The following STT3B variants were observed in gnomAD, a reference collection of about 807,000 sequenced individuals.
STT3B encodes the protein STT3 oligosaccharyltransferase complex catalytic subunit B.
Under a neutral mutation model 96.8 loss-of-function variants are expected in STT3B, and 29 were observed. That is an observed-to-expected ratio of 0.30 (90% confidence interval 0.22 to 0.41). STT3B has a LOEUF of 0.41. STT3B is among the 10% of genes least tolerant of loss of function. STT3B has a pLI of 1.00. For synonymous variants in STT3B, 367 were observed against 360.0 expected, an observed-to-expected ratio of 1.02 and a Z score of -0.22; for missense variants, 640 against 1,022.3, an observed-to-expected ratio of 0.63 and a Z score of 5.10.
intron 1 of STT3B, among the ~76,000 whole-genome samples, chr3:31,534,474 C>T (rs1164582851): frequency 6.6e-6 from 1 of 152,128 alleles, no homozygotes; most frequent in East Asian, 1.9e-4. Context: ...ACCTGTCAAC[C>T]TTGAGTTAAT....
chr3:31,537,636 TC>T (rs1463707707), intron 1 of STT3B, among the ~76,000 whole-genome samples: 1 of 152,290 alleles, frequency 6.6e-6, no homozygotes, highest in East Asian at 1.9e-4. Flanking sequence ...GGTTTTCATA[TC>T]GTAAAGGTTA....
intron 1 of STT3B, among the ~76,000 whole-genome samples, chr3:31,552,701 A>C (rs1376715580): frequency 2.6e-5 from 4 of 152,126 alleles, no homozygotes; most frequent in African/African-American, 9.7e-5. Flanking sequence ...GTTAGATGTC[A>C]GTTGTAGAAG....
At chr3:31,587,136 A>T (rs1698558229) in intron 3 of STT3B, among the ~76,000 whole-genome samples, 2 of 152,006 alleles carry the variant, frequency 1.3e-5, no homozygotes, top group Non-Finnish European at 2.9e-5. Flanking sequence ...TACCCCATAA[A>T]TTTTTTTATT....
intron 14 of STT3B, among the ~76,000 whole-genome samples, chr3:31,629,622 CAT>C (rs1212005055): frequency 7.9e-5 from 12 of 152,048 alleles, no homozygotes; most frequent in African/African-American, 2.9e-4. Context: ...TTCTTTCTAA[CAT>C]ATTTATTAAC....
chr3:31,615,312 A>G, intron 6 of STT3B, 109 bp downstream of exon 6: 1 of 742,618 alleles, frequency 1.3e-6, no homozygotes, highest in Non-Finnish European at 2.2e-6. Context: ...AATGACAACC[A>G]AAGTAATCTG....
At chr3:31,574,504 C>T (rs74926959) in intron 1 of STT3B, among the ~76,000 whole-genome samples, 11,698 of 152,116 alleles carry the variant, frequency 0.077, 605 homozygotes, top group Non-Finnish European at 0.12. Flanking sequence ...ACTAGACAGC[C>T]TTTCCATAAT....
chr3:31,590,274 G>A (rs1698638021), intron 3 of STT3B, among the ~76,000 whole-genome samples: 1 of 151,568 alleles, frequency 6.6e-6, no homozygotes, highest in Non-Finnish European at 1.5e-5. Flanking sequence ...GGGTTTCACT[G>A]ATTTTTTTTT....
chr3:31,631,961 T>C (rs891709310), intron 14 of STT3B, among the ~76,000 whole-genome samples: 1 of 151,984 alleles, frequency 6.6e-6, no homozygotes, highest in Non-Finnish European at 1.5e-5. Flanking sequence ...GCTCAGTTGA[T>C]CCTCCCACCT....
chr3:31,628,003 AC>A lies in STT3B; in HGVS notation c.2074-1288del, dbSNP rs1156896179. Among the ~76,000 whole-genome samples the A allele has an allele frequency of 9.6e-5, 10 of 104,380 alleles. No homozygotes were observed. In the South Asian group the frequency reaches 3.6e-3, roughly 38 times the overall value. 68.5% of individuals were successfully genotyped at this position (104,380 alleles called of 152,430 possible). On this transcript the variant is annotated intron_variant, in intron 13 of 15. Coordinates refer to ENST00000295770, the MANE Select transcript of STT3B (RefSeq NM_178862.3). ...TATAAGAGGATATACAAAAAAGTCTACCCCCCCTAAAAAAAAAAAAGTTCCT... is the reference window on the plus strand; with the variant it reads ...TATAAGAGGATATACAAAAAAGTCTACCCCCCTAAAAAAAAAAAAGTTCCT...
intron 14 of STT3B, among the ~76,000 whole-genome samples, chr3:31,629,705 C>G (rs539684191): frequency 2.6e-5 from 4 of 152,262 alleles, no homozygotes; most frequent in African/African-American, 9.6e-5. Flanking sequence ...GTATTGTTCT[C>G]CAAGAAGAGT....
intron 8 of STT3B, among the ~76,000 whole-genome samples, chr3:31,618,496 T>G (rs954791177): frequency 6.6e-6 from 1 of 151,894 alleles, no homozygotes; most frequent in Non-Finnish European, 1.5e-5. Flanking sequence ...AGTTAATACA[T>G]TTGGTTTTGA....
chr3:31,631,119 C>A (rs1699647668), intron 14 of STT3B, among the ~76,000 whole-genome samples: 1 of 152,116 alleles, frequency 6.6e-6, no homozygotes, highest in Admixed American at 6.5e-5. Flanking sequence ...TCTAAAACAC[C>A]ATCTTTGTGG....
chr3:31,541,238 A>C (rs1476017296), intron 1 of STT3B, among the ~76,000 whole-genome samples: 1 of 152,170 alleles, frequency 6.6e-6, no homozygotes, highest in Non-Finnish European at 1.5e-5. Context: ...AATCTAAAGT[A>C]TAGTGAACAC....
At chr3:31,565,990 A>G (rs1285781653) in intron 1 of STT3B, among the ~76,000 whole-genome samples, 1 of 152,226 alleles carries the variant, frequency 6.6e-6, no homozygotes, top group Non-Finnish European at 1.5e-5. Context: ...AGATCTATAG[A>G]TACGCATGCC....
At chr3:31,606,112 C>G (rs1032924460) in intron 5 of STT3B, among the ~76,000 whole-genome samples, 9 of 152,152 alleles carry the variant, frequency 5.9e-5, no homozygotes, top group Non-Finnish European at 1.0e-4. Context: ...TTTTAAGCAG[C>G]AAAGCATTCA....
intron 1 of STT3B, among the ~76,000 whole-genome samples, chr3:31,560,245 ATTTTG>A (rs1030224831): frequency 6.6e-6 from 1 of 151,660 alleles, no homozygotes; most frequent in African/African-American, 2.4e-5. Context: ...ATTTCTGGTT[ATTTTG>A]TTCTGTTCTT....
Position 31,625,948 on chromosome 3 carries a change from C to A in STT3B, c.1900-6C>A. On this transcript the variant is annotated splice_polypyrimidine_tract_variant and splice_region_variant and intron_variant, in intron 12 of 15. Coordinates refer to ENST00000295770, the MANE Select transcript of STT3B (RefSeq NM_178862.3). ...AAACATTCTCATTTTTTTTTAAATT[C>A]TGCAGGTGGGAAAAGCTATGTCTTC... 1 of 1,561,042 alleles carries A rather than the reference C, an allele frequency of 6.4e-7. No homozygotes were observed. Among genetic ancestry groups the A allele is most frequent in the Non-Finnish European group, 8.6e-7 (1 of 1,157,444 alleles).
chr3:31,568,849 C>T (rs533063451), intron 1 of STT3B, among the ~76,000 whole-genome samples: 26 of 152,114 alleles, frequency 1.7e-4, no homozygotes, highest in Admixed American at 1.3e-4. Context: ...AAGGCAGCTC[C>T]TTGTGACTTC....
intron 2 of STT3B, 59 bp from the exon 3 acceptor site, chr3:31,579,750 A>G (rs1698342722): frequency 3.8e-6 from 5 of 1,329,104 alleles, no homozygotes; most frequent in Admixed American, 2.2e-5. Flanking sequence ...GAGTACATAC[A>G]TTAATATTTT....
Sources: allele counts gnomAD v4.1 joint callset (sites outside exome capture counted in the v4.1 genomes callset), GRCh38; gene constraint gnomAD v4.1.1; transcripts MANE v1.5; gene names NCBI Gene and HGNC (gene_info 2026-07-23, HGNC 2026-07-21).